The following OR10A2 variants were observed in gnomAD, a reference collection of about 807,000 sequenced individuals.
OR10A2 encodes olfactory receptor 10A2.
In OR10A2, 15 loss-of-function variants were observed where a neutral mutation model predicts 13.7. The observed-to-expected ratio is 1.10, with a 90% CI of 0.73 to 1.69. The LOEUF is 1.69. Ranked by LOEUF, OR10A2 falls within the 40% of genes most tolerant of loss-of-function variation. The pLI is 0.00. For missense variants in OR10A2, 343 were observed against 361.1 expected (o/e 0.95, Z 0.41); for synonymous variants, 145 against 144.7 (o/e 1.00, Z -0.02).
intron 1 of OR10A2, among the ~76,000 whole-genome samples, chr11:6,866,363 G>C (rs560389144): frequency 6.6e-6 from 1 of 152,144 alleles, no homozygotes; most frequent in Non-Finnish European, 1.5e-5. Flanking sequence ...AGACCAGGAC[G>C]GCTTTGCATG....
rs1564921259 is a variant in OR10A2, at chr11:6,870,728, C to A, written c.*62C>A. ...AACAATCAGTCCCAGATTTGAGATT[C>A]CTCTCTGCATCTTTCCACATCTCCA... is the stretch of plus-strand genomic sequence containing the variant. On this transcript the variant is annotated 3_prime_UTR_variant, in exon 2 of 2. Transcript: ENST00000641461. The A allele has an allele frequency of 1.5e-6, 2 of 1,293,148 alleles. No homozygotes were observed. Among genetic ancestry groups the A allele is most frequent in the African/African-American group, 3.0e-5 (2 of 67,560 alleles). 80.1% of individuals were successfully genotyped at this position (1,293,148 alleles called of 1,614,324 possible).
intron 1 of OR10A2, among the ~76,000 whole-genome samples, chr11:6,868,503 C>T (rs1848397593): frequency 6.6e-6 from 1 of 152,090 alleles, no homozygotes; most frequent in African/African-American, 2.4e-5. Context: ...TCTGCAGCTT[C>T]AAATATTCAG....
chr11:6,864,000 G>A (rs1349588093), intron 1 of OR10A2, among the ~76,000 whole-genome samples: 2 of 152,126 alleles, frequency 1.3e-5, no homozygotes, highest in Non-Finnish European at 2.9e-5. Flanking sequence ...TATCATTAGT[G>A]TTAGTGCATT....
In OR10A2 at chr11:6,873,973, T is replaced by G. The variant is rs1309038256; in HGVS notation, c.*3307T>G. On this transcript the variant is annotated 3_prime_UTR_variant, in exon 2 of 2. Transcript: ENST00000641461. ...AAAATAATCAAATTTGGGGCACAAA[T>G]TAAAGGATTATATCCCAGTTCCTGG... is the stretch of plus-strand genomic sequence containing the variant. 6.6e-6 allele frequency: 1 copy of G among 152,198 alleles called. No individual in the cohort carries two copies. Among genetic ancestry groups the G allele is most frequent in the African/African-American group, 2.4e-5 (1 of 41,448 alleles). 9.4% of individuals were successfully genotyped at this position (152,198 alleles called of 1,614,324 possible). A position where few individuals can be genotyped will look rare whatever the true frequency, so the allele number is the denominator to read the frequency against.
Position 6,869,786 on chromosome 11 carries a change from A to G in OR10A2, c.32A>G (p.Gln11Arg). 1 of 1,614,132 alleles carries G rather than the reference A, an allele frequency of 6.2e-7. No homozygotes were observed. Among genetic ancestry groups the G allele is most frequent in the Non-Finnish European group, 8.5e-7 (1 of 1,179,956 alleles). The change falls in exon 2 of 2, where the codon CAG (glutamine) becomes CGG (arginine). Residue 11 changes from glutamine to arginine, a missense_variant. Transcript: ENST00000641461. MSFSSLPTEIQSLLFLTFLTI... is the reference protein window; with the variant it reads MSFSSLPTEIRSLLFLTFLTI... ...TTCTCTTCCCTGCCTACTGAAATAC[A>G]GTCATTACTCTTTCTGACATTTCTA...
Position 6,873,310 on chromosome 11 carries a change from T to C in OR10A2, c.*2644T>C, listed in dbSNP as rs560995312. 6.6e-6 allele frequency: 1 copy of C among 152,350 alleles called. No homozygotes were observed. The highest frequency in any genetic ancestry group is 2.1e-4 in the South Asian group (1 of 4,828). 9.4% of individuals were successfully genotyped at this position (152,350 alleles called of 1,614,324 possible). ...GTAGACTGCCCAGGCAGGCAGCTCA[T>C]TGAGGCTGGAGGTTGCCACAGTAGA... On this transcript the variant is annotated 3_prime_UTR_variant, in exon 2 of 2. Coordinates refer to ENST00000641461, the MANE Select transcript of OR10A2 (RefSeq NM_001004460.2).
chr11:6,870,041 T>C lies in OR10A2; in HGVS notation c.287T>C (p.Val96Ala). Residue 96 changes from valine to alanine, a missense_variant, in exon 2 of 2, where the codon GTG (valine) becomes GCG (alanine). By Grantham distance (64) the Val-to-Ala change is moderately conservative. Transcript: ENST00000641461. ...ATGTATTTCTTCTTCTTCTTTGGAG[T>C]GGCTGAATGCTTCCTCCTGGCTACC... ...TQMYFFFFFG[V>A]AECFLLATMA... The C allele has an allele frequency of 3.7e-6, 6 of 1,614,194 alleles. No homozygotes were observed. The highest frequency in any genetic ancestry group is 1.6e-4 in the Middle Eastern group (1 of 6,062).
At position 6,870,490 on chromosome 11, in the gene OR10A2, T is replaced by G; in HGVS notation, c.736T>G (p.Tyr246Asp). ...SLFYISLSLT[Y>D]FRPKSNNSPE... ...TTTCTATATATCATTAAGCCTCACC[T>G]ACTTCCGGCCTAAATCAAATAATTC... Residue 246 changes from tyrosine to aspartate, a missense_variant, in exon 2 of 2, where the codon TAC becomes GAC. Coordinates refer to ENST00000641461, the MANE Select transcript of OR10A2 (RefSeq NM_001004460.2). 6.2e-7 allele frequency: 1 copy of G among 1,614,188 alleles called. No individual in the cohort carries two copies. Among genetic ancestry groups the G allele is most frequent in the South Asian group, 1.1e-5 (1 of 91,084 alleles).
At chr11:6,869,227 G>C (rs1848403853) in intron 1 of OR10A2, among the ~76,000 whole-genome samples, 1 of 152,078 alleles carries the variant, frequency 6.6e-6, no homozygotes, top group South Asian at 2.1e-4. Flanking sequence ...TCAAATTCTA[G>C]CCAGTCAAGA....
Position 6,870,106 on chromosome 11 carries a change from C to G in OR10A2, c.352C>G (p.His118Asp), listed in dbSNP as rs1848414202. 6.2e-7 allele frequency: 1 copy of G among 1,614,136 alleles called. No individual in the cohort carries two copies. The highest frequency in any genetic ancestry group is 8.5e-7 in the Non-Finnish European group (1 of 1,180,062). The part of the protein sequence containing the change: ...DRYVAICSPL[H>D]YPVIMNQRTR... The stretch of plus-strand genomic sequence containing the variant: ...CTATGTGGCCATCTGCAGTCCCTTG[C>G]ACTACCCAGTCATCATGAACCAAAG... The change falls in exon 2 of 2, where the codon CAC becomes GAC. Residue 118 changes from histidine to aspartate, a missense_variant. His to Asp is a moderately conservative substitution (Grantham distance 81, BLOSUM62 -1). Coordinates refer to ENST00000641461, the MANE Select transcript of OR10A2 (RefSeq NM_001004460.2).
intron 1 of OR10A2, among the ~76,000 whole-genome samples, chr11:6,864,681 T>C (rs1848366171): frequency 6.6e-6 from 1 of 151,838 alleles, no homozygotes; most frequent in Non-Finnish European, 1.5e-5. Context: ...CAGGCAGAAA[T>C]GATGTCACAT....
At chr11:6,864,017 G>A (rs932877723) in intron 1 of OR10A2, among the ~76,000 whole-genome samples, 16 of 152,020 alleles carry the variant, frequency 1.1e-4, no homozygotes, top group South Asian at 2.1e-4. Context: ...CATTTTACGC[G>A]TGACCAAGAA....
intron 1 of OR10A2, among the ~76,000 whole-genome samples, chr11:6,867,247 T>C (rs550261103): frequency 3.3e-5 from 5 of 152,256 alleles, no homozygotes; most frequent in Admixed American, 3.3e-4. Context: ...AGTCTCCTTC[T>C]GTCACCCAGG....
At chr11:6,867,643 T>C (rs186684389) in intron 1 of OR10A2, among the ~76,000 whole-genome samples, 1 of 152,360 alleles carries the variant, frequency 6.6e-6, no homozygotes, top group Admixed American at 6.5e-5. Context: ...TTTCATCTCA[T>C]TAACCTAAAG....
rs1848438402 is a variant in OR10A2 at position 6,871,857 on chromosome 11, T to C, written c.*1191T>C. The C allele has an allele frequency of 6.6e-6, 1 of 152,234 alleles. No homozygotes were observed. The highest frequency in any genetic ancestry group is 2.1e-4 in the South Asian group (1 of 4,828). 9.4% of individuals were successfully genotyped at this position (152,234 alleles called of 1,614,324 possible). On this transcript the variant is annotated 3_prime_UTR_variant, in exon 2 of 2. Coordinates refer to ENST00000641461, the MANE Select transcript of OR10A2 (RefSeq NM_001004460.2). ...TATCCATATATCTGTTTTTATATTT[T>C]TGCTAGTGTACCTGACAAATAGAAA... is the stretch of plus-strand genomic sequence containing the variant.
At chr11:6,866,286 T>TA (rs1848377734) in intron 1 of OR10A2, among the ~76,000 whole-genome samples, 1 of 152,268 alleles carries the variant, frequency 6.6e-6, no homozygotes, top group Non-Finnish European at 1.5e-5. Flanking sequence ...TTAGTTTTTT[T>TA]AAAGAACTGT....
In OR10A2 at chr11:6,869,801, T is replaced by A. The variant is rs558556981; in HGVS notation, c.47T>A (p.Leu16Gln). Residue 16 changes from leucine (L) to glutamine (Q), a missense_variant, in exon 2 of 2, where the codon CTG becomes CAG. By Grantham distance (113) the Leu-to-Gln change is moderately radical (BLOSUM62 -2). Coordinates refer to ENST00000641461, the MANE Select transcript of OR10A2 (RefSeq NM_001004460.2). The stretch of plus-strand genomic sequence containing the variant: ...ACTGAAATACAGTCATTACTCTTTC[T>A]GACATTTCTAACCATCTACCTGGTC... ...LPTEIQSLLF[L>Q]TFLTIYLVTL... is the part of the protein sequence containing the mutation. 4.2e-5 allele frequency: 67 copies of A among 1,614,108 alleles called. No individual in the cohort carries two copies. The South Asian group carries it at 6.6e-4, about 16-fold the overall frequency.
At chr11:6,867,495 A>G (rs528991837) in intron 1 of OR10A2, among the ~76,000 whole-genome samples, 2 of 152,248 alleles carry the variant, frequency 1.3e-5, no homozygotes, top group Non-Finnish European at 2.9e-5. Context: ...TACAGGCATG[A>G]GCCACCGTGC....
chr11:6,863,894 T>G (rs983873515), intron 1 of OR10A2, among the ~76,000 whole-genome samples: 4 of 152,210 alleles, frequency 2.6e-5, no homozygotes, highest in Admixed American at 6.5e-5. Flanking sequence ...ATGGGCCACA[T>G]GCGGCCCAAG....
Sources: gnomAD v4.1 joint callset for allele counts (sites outside exome capture counted in the v4.1 genomes callset) on GRCh38, gnomAD v4.1.1 for gene constraint, MANE v1.5 for transcripts, NCBI Gene and HGNC (gene_info 2026-07-23, HGNC 2026-07-21) for gene names.